ZBTB20: variants seen among roughly 807,000 people sequenced by gnomAD.
The protein encoded by ZBTB20 is zinc finger and BTB domain-containing protein 20.
In ZBTB20, 9 loss-of-function variants were observed where a neutral mutation model predicts 56.9. The observed-to-expected ratio is 0.16, with a 90% CI of 0.10 to 0.28. The LOEUF is 0.28. ZBTB20 is among the 10% of genes least tolerant of loss of function. The pLI, the probability that ZBTB20 is intolerant of heterozygous loss-of-function variation, is 1.00. For synonymous variants in ZBTB20, 417 were observed against 420.7 expected (o/e 0.99, Z 0.11); for missense variants, 655 against 1,003.0 (o/e 0.65, Z 4.69).
At chr3:114,438,577 G>A (rs2090696693) in intron 7 of ZBTB20, among the ~76,000 whole-genome samples, 1 of 152,104 alleles carries the variant, frequency 6.6e-6, no homozygotes, top group South Asian at 2.1e-4. Flanking sequence ...TATGTGGACA[G>A]AAATCTTCAA....
intron 3 of ZBTB20, among the ~76,000 whole-genome samples, chr3:114,954,705 TTG>T (rs2077189615): frequency 6.6e-6 from 1 of 152,184 alleles, no homozygotes; most frequent in Non-Finnish European, 1.5e-5. Flanking sequence ...GAAAGTTGAA[TTG>T]TCACTGGTTT....
At chr3:114,943,052 T>C (rs2076771624) in intron 3 of ZBTB20, among the ~76,000 whole-genome samples, 1 of 145,058 alleles carries the variant, frequency 6.9e-6, no homozygotes. Context: ...ACCTAAATAC[T>C]AGGACATTAA....
At chr3:114,789,672 G>T (rs1379725803) in intron 5 of ZBTB20, among the ~76,000 whole-genome samples, 2 of 152,058 alleles carry the variant, frequency 1.3e-5, no homozygotes, top group Non-Finnish European at 2.9e-5. Flanking sequence ...AGCTAGAAAA[G>T]ATTAAGTATC....
At chr3:114,538,421 C>G (rs2048730140) in intron 6 of ZBTB20, among the ~76,000 whole-genome samples, 1 of 152,086 alleles carries the variant, frequency 6.6e-6, no homozygotes, top group African/African-American at 2.4e-5. Flanking sequence ...TCATCTATTA[C>G]ACAAACTTCC....
chr3:114,733,809 T>G (rs902853130), intron 5 of ZBTB20, among the ~76,000 whole-genome samples: 13 of 152,172 alleles, frequency 8.5e-5, no homozygotes, highest in Non-Finnish European at 1.5e-4. Flanking sequence ...CTGAGACTGA[T>G]ATTTGGACTC....
At chr3:114,953,691 G>A (rs780903152) in intron 3 of ZBTB20, among the ~76,000 whole-genome samples, 1 of 151,994 alleles carries the variant, frequency 6.6e-6, no homozygotes, top group Middle Eastern at 3.4e-3. Context: ...CCTAACAACA[G>A]AGCTTCAAAA....
At chr3:114,948,845 G>T (rs1319535076) in intron 3 of ZBTB20, among the ~76,000 whole-genome samples, 6 of 146,060 alleles carry the variant, frequency 4.1e-5, no homozygotes, top group Non-Finnish European at 8.8e-5. Context: ...GAATTATAAT[G>T]CATTTATAGA....
At chr3:114,345,935 C>G (rs754911285) in intron 11 of ZBTB20, among the ~76,000 whole-genome samples, 1 of 152,144 alleles carries the variant, frequency 6.6e-6, no homozygotes, top group Non-Finnish European at 1.5e-5. Context: ...TCTTCCCTGA[C>G]AGGATGGTTT....
At chr3:114,848,361 T>C (rs1461194490) in intron 4 of ZBTB20, among the ~76,000 whole-genome samples, 2 of 152,164 alleles carry the variant, frequency 1.3e-5, no homozygotes, top group Non-Finnish European at 2.9e-5. Flanking sequence ...TTGGTACTGC[T>C]AGAGGCCTGG....
At chr3:114,820,158 A>C (rs1244741168) in intron 4 of ZBTB20, among the ~76,000 whole-genome samples, 5 of 152,002 alleles carry the variant, frequency 3.3e-5, no homozygotes, top group Non-Finnish European at 7.4e-5. Context: ...GCAGATAAAA[A>C]TTTATATATA....
intron 3 of ZBTB20, among the ~76,000 whole-genome samples, chr3:114,909,442 T>C (rs931933682): frequency 6.6e-6 from 1 of 152,060 alleles, no homozygotes; most frequent in Admixed American, 6.6e-5. Context: ...GGTTAATTTA[T>C]TATTGAAGAA....
intron 4 of ZBTB20, among the ~76,000 whole-genome samples, chr3:114,859,850 C>T (rs1358837767): frequency 2.0e-5 from 3 of 152,162 alleles, no homozygotes; most frequent in African/African-American, 7.2e-5. Flanking sequence ...ACCTCATCCC[C>T]TCTCTGCTAT....
chr3:115,107,648 T>C (rs1472803800), intron 1 of ZBTB20, among the ~76,000 whole-genome samples: 1 of 152,186 alleles, frequency 6.6e-6, no homozygotes, highest in Non-Finnish European at 1.5e-5. Context: ...ACTGGGTATA[T>C]ACCCAAAGGA....
At chr3:114,893,791 G>A (rs1476992876) in intron 4 of ZBTB20, among the ~76,000 whole-genome samples, 4 of 152,146 alleles carry the variant, frequency 2.6e-5, no homozygotes, top group Admixed American at 1.3e-4. Flanking sequence ...AGCAGACTCT[G>A]GGCATGACTT....
chr3:115,096,826 G>A (rs1041542385), intron 1 of ZBTB20, among the ~76,000 whole-genome samples: 4 of 152,070 alleles, frequency 2.6e-5, no homozygotes, highest in Non-Finnish European at 5.9e-5. Context: ...TATTTATGTA[G>A]TGCCAGATTT....
At chr3:114,614,196 G>A (rs1056244085) in intron 6 of ZBTB20, among the ~76,000 whole-genome samples, 1 of 152,174 alleles carries the variant, frequency 6.6e-6, no homozygotes, top group African/African-American at 2.4e-5. Flanking sequence ...AAATATATAT[G>A]AGAAATGATT....
chr3:115,062,870 G>A (rs910201481), intron 2 of ZBTB20, among the ~76,000 whole-genome samples: 1 of 152,102 alleles, frequency 6.6e-6, no homozygotes, highest in East Asian at 1.9e-4. Flanking sequence ...AATATATTAA[G>A]TATTTAAAAA....
intron 10 of ZBTB20, among the ~76,000 whole-genome samples, chr3:114,352,305 C>A (rs942677316): frequency 6.6e-6 from 1 of 152,184 alleles, no homozygotes; most frequent in African/African-American, 2.4e-5. Flanking sequence ...TTTAGACAGG[C>A]CTAAGCCCAG....
At chr3:114,585,555 T>C (rs900741774) in intron 6 of ZBTB20, among the ~76,000 whole-genome samples, 1 of 152,222 alleles carries the variant, frequency 6.6e-6, no homozygotes, top group African/African-American at 2.4e-5. Context: ...AGAACAATCT[T>C]TGAAACCGTC....
Sources: allele counts gnomAD v4.1 joint callset (sites outside exome capture counted in the v4.1 genomes callset), GRCh38; gene constraint gnomAD v4.1.1; transcripts MANE v1.5; gene names NCBI Gene and HGNC (gene_info 2026-07-23, HGNC 2026-07-21).